COLGALT2: variants seen among roughly 807,000 people sequenced by gnomAD.
The protein encoded by COLGALT2 is procollagen galactosyltransferase 2.
Under a neutral mutation model 73.4 loss-of-function variants are expected in COLGALT2, and 49 were observed. That is an observed-to-expected ratio of 0.67 (90% CI 0.53 to 0.85). The LOEUF (loss-of-function observed/expected upper bound fraction) is 0.85, where lower values mean the gene tolerates loss of function less well. COLGALT2 is among the 40% of genes least tolerant of loss of function. The probability of loss-of-function intolerance (pLI) is 0.00; values close to 1 mark genes in which losing one functional copy is unlikely to be tolerated. For synonymous variants in COLGALT2, 295 were observed against 307.6 expected, an observed-to-expected ratio of 0.96 and a Z score of 0.43; for missense variants, 722 against 790.2, an observed-to-expected ratio of 0.91 and a Z score of 1.03.
chr1:183,934,554 A>G (rs1483557584), downstream of COLGALT2, among the ~76,000 whole-genome samples: 1 of 152,098 alleles, frequency 6.6e-6, no homozygotes, highest in African/African-American at 2.4e-5. Context: ...CTTACATGCT[A>G]TTTTCTTCTC....
chr1:183,937,131 G>GT lies in COLGALT2; in HGVS notation c.*1629dup, dbSNP rs1238675360. ...ACACTCGTACACTAAGCTTGTGTATGTAGCACCACCCGCCTGTGGACTCTG... is the reference window on the plus strand; with the variant it reads ...ACACTCGTACACTAAGCTTGTGTATGTTAGCACCACCCGCCTGTGGACTCTG... On this transcript the variant is annotated 3_prime_UTR_variant, in exon 12 of 12. Transcript: ENST00000361927. 6.5e-6 allele frequency: 8 copies of GT among 1,229,724 alleles called. No individual in the cohort carries two copies. Among genetic ancestry groups the GT allele is most frequent in the Non-Finnish European group, 8.1e-6 (8 of 987,264 alleles). 76.2% of individuals were successfully genotyped at this position (1,229,724 alleles called of 1,614,324 possible). A position where few individuals can be genotyped will look rare whatever the true frequency, so the allele number is the denominator to read the frequency against.
chr1:183,978,361 A>T, intron 2 of COLGALT2, 49 bp downstream of exon 2: 1 of 1,038,872 alleles, frequency 9.6e-7, no homozygotes, highest in South Asian at 1.3e-5. Flanking sequence ...GAGCTAGTTA[A>T]AGAGGAAGGG....
intron 5 of COLGALT2, among the ~76,000 whole-genome samples, chr1:183,966,842 C>T (rs1348835742): frequency 6.6e-6 from 1 of 152,180 alleles, no homozygotes; most frequent in East Asian, 1.9e-4. Context: ...GGTGGCCAAG[C>T]CCTGCTCACC....
chr1:184,016,515 A>C (rs1228448023), intron 1 of COLGALT2, among the ~76,000 whole-genome samples: 1 of 152,188 alleles, frequency 6.6e-6, no homozygotes, highest in Non-Finnish European at 1.5e-5. Context: ...TTTCAAAAGG[A>C]ATATTTCTAC....
intron 1 of COLGALT2, among the ~76,000 whole-genome samples, chr1:184,024,860 T>A (rs921266480): frequency 6.6e-6 from 1 of 152,126 alleles, no homozygotes; most frequent in Non-Finnish European, 1.5e-5. Context: ...ACTACTGCTG[T>A]TATTTTGATA....
chr1:183,979,098 A>G (rs1671281984), intron 1 of COLGALT2, among the ~76,000 whole-genome samples: 1 of 152,330 alleles, frequency 6.6e-6, no homozygotes, highest in South Asian at 2.1e-4. Context: ...TAACTTTACC[A>G]TCACGTTTAC....
intron 1 of COLGALT2, among the ~76,000 whole-genome samples, chr1:184,008,229 A>G (rs1481202171): frequency 6.6e-6 from 1 of 152,246 alleles, no homozygotes; most frequent in Non-Finnish European, 1.5e-5. Context: ...GGAATATTTT[A>G]TAAATGACAG....
intron 8 of COLGALT2, among the ~76,000 whole-genome samples, chr1:183,948,806 T>G (rs1157873007): frequency 6.6e-5 from 10 of 152,194 alleles, no homozygotes; most frequent in Non-Finnish European, 1.5e-4. Flanking sequence ...GACATGGTCT[T>G]GTATGTAGAA....
chr1:183,953,241 G>A (rs1219428800), intron 7 of COLGALT2, among the ~76,000 whole-genome samples: 5 of 152,152 alleles, frequency 3.3e-5, no homozygotes, highest in African/African-American at 4.8e-5. Context: ...CACAGAGTCC[G>A]AGGAGGATTG....
At chr1:183,944,431 C>G in intron 9 of COLGALT2, 108 bp from the exon 10 acceptor site, 2 of 1,273,816 alleles carry the variant, frequency 1.6e-6, no homozygotes, top group Non-Finnish European at 2.1e-6. Flanking sequence ...AGATTCATAA[C>G]TGGAATCTAA....
intron 1 of COLGALT2, among the ~76,000 whole-genome samples, chr1:183,989,811 T>C (rs370942677): frequency 6.6e-6 from 1 of 152,194 alleles, no homozygotes; most frequent in African/African-American, 2.4e-5. Flanking sequence ...TGTTTTTCCA[T>C]CTGTAAAATG....
chr1:183,991,494 C>A (rs1671627339), intron 1 of COLGALT2, among the ~76,000 whole-genome samples: 1 of 152,146 alleles, frequency 6.6e-6, no homozygotes, highest in Non-Finnish European at 1.5e-5. Flanking sequence ...CCCAGAATGA[C>A]AACTTGGCCC....
chr1:183,984,375 A>G (rs1671432511), intron 1 of COLGALT2, among the ~76,000 whole-genome samples: 1 of 152,256 alleles, frequency 6.6e-6, no homozygotes, highest in African/African-American at 2.4e-5. Context: ...ACTGCACTCC[A>G]GCCTGGGTGA....
At chr1:183,993,003 T>C (rs983948353) in intron 1 of COLGALT2, among the ~76,000 whole-genome samples, 12 of 152,194 alleles carry the variant, frequency 7.9e-5, no homozygotes, top group Admixed American at 7.9e-4. Context: ...CCCAGGACAG[T>C]GCCTGGCATC....
chr1:184,007,703 T>C (rs1672122317), intron 1 of COLGALT2, among the ~76,000 whole-genome samples: 1 of 152,144 alleles, frequency 6.6e-6, no homozygotes, highest in African/African-American at 2.4e-5. Context: ...CACAGTTCCA[T>C]TTGGTGTGGA....
chr1:183,969,400 A>C lies in COLGALT2; in HGVS notation c.701T>G (p.Met234Arg), dbSNP rs1670973690. The C allele has an allele frequency of 6.2e-7, 1 of 1,613,850 alleles. No homozygotes were observed. The highest frequency in any genetic ancestry group is 1.7e-5 in the Admixed American group (1 of 59,982). Residue 234 changes from methionine to arginine, a missense_variant, in exon 5 of 12, where the codon ATG (methionine) becomes AGG (arginine). Met to Arg is a moderately conservative substitution (Grantham distance 91). Transcript: ENST00000361927. ...WKRTGCFPVP[M>R]VHSTFLIDLR... ...GTCAATTAGGAAGGTGGAGTGGACC[A>C]TGGGGACGGGGAAGCAGCCTGTCCT...
At chr1:183,962,870 C>T (rs1670752534) in intron 6 of COLGALT2, among the ~76,000 whole-genome samples, 1 of 152,202 alleles carries the variant, frequency 6.6e-6, no homozygotes, top group African/African-American at 2.4e-5. Context: ...CGTGCCTGTC[C>T]TTTCAGCTGA....
chr1:183,932,778 G>A (rs147617548), downstream of COLGALT2, among the ~76,000 whole-genome samples: 39 of 152,264 alleles, frequency 2.6e-4, no homozygotes, highest in African/African-American at 8.2e-4. Flanking sequence ...GCCCTGGGCC[G>A]GAGTGTCCCT....
At chr1:183,978,545 G>T in intron 1 of COLGALT2, 25 bp from the exon 2 acceptor site, 1 of 1,337,226 alleles carries the variant, frequency 7.5e-7, no homozygotes. Flanking sequence ...GCACAATATA[G>T]TTTAACTATG....
Sources: gnomAD v4.1 joint callset for allele counts (sites outside exome capture counted in the v4.1 genomes callset) on GRCh38, gnomAD v4.1.1 for gene constraint, MANE v1.5 for transcripts, NCBI Gene and HGNC (gene_info 2026-07-23, HGNC 2026-07-21) for gene names.